Variants in CNST observed in about 807,000 individuals in gnomAD.
The protein encoded by CNST is consortin.
CNST carries 39 observed loss-of-function variants against 72.4 expected under a neutral mutation model. The ratio of observed to expected loss-of-function variants is 0.54; its 90% confidence interval spans 0.42 to 0.70. The LOEUF (loss-of-function observed/expected upper bound fraction) is 0.70, where lower values mean the gene tolerates loss of function less well. Among genes scored for constraint, CNST ranks in the 30% least tolerant of loss-of-function variants. CNST has a pLI of 0.00. For synonymous variants in CNST, 332 were observed against 320.1 expected (o/e 1.04, Z -0.40); for missense variants, 871 against 868.5 (o/e 1.00, Z -0.04).
intron 2 of CNST, among the ~76,000 whole-genome samples, chr1:246,619,516 T>A (rs1663915635): frequency 6.6e-6 from 1 of 152,320 alleles, no homozygotes; most frequent in South Asian, 2.1e-4. Context: ...AAATAGAAGA[T>A]GACATCTTAA....
At chr1:246,637,075 T>A (rs935695987) in intron 6 of CNST, among the ~76,000 whole-genome samples, 8 of 152,190 alleles carry the variant, frequency 5.3e-5, no homozygotes, top group African/African-American at 1.9e-4. Flanking sequence ...GTCTTCCTCG[T>A]GTTTTGGTTT....
intron 6 of CNST, among the ~76,000 whole-genome samples, chr1:246,640,135 C>T (rs1003291765): frequency 6.6e-6 from 1 of 152,178 alleles, no homozygotes; most frequent in Non-Finnish European, 1.5e-5. Context: ...TATTGAGTTT[C>T]TCACACTGAA....
At chr1:246,620,708 CGTGGTGCATACACACG>C (rs1664025495) in intron 2 of CNST, among the ~76,000 whole-genome samples, 2 of 128,738 alleles carry the variant, frequency 1.6e-5, no homozygotes, top group African/African-American at 6.0e-5. Context: ...CGGCTTCAGT[CGTGGTGCATACACACG>C]ATGGGCTCTG....
intron 1 of CNST, among the ~76,000 whole-genome samples, chr1:246,590,830 A>C (rs1455373835): frequency 6.6e-6 from 1 of 150,646 alleles, no homozygotes; most frequent in Non-Finnish European, 1.5e-5. Context: ...CCAATTCTAC[A>C]CTAAGAGTAG....
Position 246,621,452 on chromosome 1 carries a change from C to A in CNST, c.403C>A (p.Pro135Thr). The A allele has an allele frequency of 6.2e-7, 1 of 1,613,740 alleles. No individual in the cohort carries two copies. The highest frequency in any genetic ancestry group is 8.5e-7 in the Non-Finnish European group (1 of 1,179,840). ...PPGLFSGDIA[P>T]LMQEKVLSAV... ...AGGACTTTTTTCAGGAGATATTGCA[C>A]CTTTAATGCAAGAAAAAGTACTAAG... The change falls in exon 3 of 11, where the codon CCT becomes ACT. Residue 135 changes from proline (P) to threonine (T), a missense_variant. Transcript: ENST00000366513.
intron 3 of CNST, among the ~76,000 whole-genome samples, chr1:246,625,259 G>A (rs754482675): frequency 2.6e-5 from 4 of 152,068 alleles, no homozygotes; most frequent in Non-Finnish European, 5.9e-5. Context: ...TCAACTGTCA[G>A]TATTCTTTAG....
At chr1:246,634,955 G>GGGTGT (rs574656071) in intron 6 of CNST, among the ~76,000 whole-genome samples, 7 of 47,844 alleles carry the variant, frequency 1.5e-4, no homozygotes, top group South Asian at 8.3e-4. Context: ...CCTCGGTGGT[G>GGGTGT]CGTGTCTTCC....
At chr1:246,605,494 G>A (rs1212656555) in intron 2 of CNST, among the ~76,000 whole-genome samples, 1 of 152,200 alleles carries the variant, frequency 6.6e-6, no homozygotes, top group East Asian at 1.9e-4. Flanking sequence ...GTTTTAATGC[G>A]CGCCTGGGTG....
intron 9 of CNST, among the ~76,000 whole-genome samples, chr1:246,656,653 A>G (rs565095185): frequency 3.3e-5 from 5 of 152,226 alleles, no homozygotes; most frequent in Non-Finnish European, 5.9e-5. Context: ...TATTTTTAAG[A>G]ATAGTCTGGG....
At chr1:246,589,655 A>G (rs893208249) in intron 1 of CNST, among the ~76,000 whole-genome samples, 9 of 152,124 alleles carry the variant, frequency 5.9e-5, no homozygotes, top group East Asian at 1.9e-4. Context: ...GGGTCAAATG[A>G]TATTTCTAGT....
chr1:246,659,178 G>A (rs1291909363), intron 9 of CNST, among the ~76,000 whole-genome samples: 2 of 152,242 alleles, frequency 1.3e-5, no homozygotes, highest in Non-Finnish European at 2.9e-5. Context: ...CCCAGAAGCA[G>A]CTGTGCACAG....
At chr1:246,658,045 CA>C (rs751934685) in intron 9 of CNST, among the ~76,000 whole-genome samples, 10 of 152,182 alleles carry the variant, frequency 6.6e-5, no homozygotes, top group Middle Eastern at 3.4e-3. Flanking sequence ...AAGTGTATGA[CA>C]GTATTTTATG....
At chr1:246,630,075 C>T (rs913825830) in intron 3 of CNST, among the ~76,000 whole-genome samples, 3 of 152,202 alleles carry the variant, frequency 2.0e-5, no homozygotes, top group Admixed American at 1.3e-4. Context: ...GGTGTAACCC[C>T]CTCATATGCT....
chr1:246,653,277 A>G (rs1417166500), intron 9 of CNST, among the ~76,000 whole-genome samples: 1 of 152,216 alleles, frequency 6.6e-6, no homozygotes, highest in East Asian at 1.9e-4. Flanking sequence ...TCTTGACTAG[A>G]TAGATCACTG....
At chr1:246,664,444 T>TTTTA (rs1667280443) in intron 10 of CNST, among the ~76,000 whole-genome samples, 1 of 151,900 alleles carries the variant, frequency 6.6e-6, no homozygotes, top group Non-Finnish European at 1.5e-5. Flanking sequence ...TTTTTTTTTT[T>TTTTA]GAGAAGGAGT....
At position 246,589,402 on chromosome 1, in the gene CNST, A is replaced by G. The variant is rs569571381; in HGVS notation, c.-51-2110A>G. ...TCCTTGTGATAGTTTGCTGAGAATG[A>G]TGGTTTCCAGCTTCATCCATGTCCC... is the stretch of plus-strand genomic sequence containing the variant. On this transcript the variant is annotated intron_variant, in intron 1 of 10. Transcript: ENST00000366513. Among the ~76,000 whole-genome samples, 1,388 of 151,866 alleles carry G rather than the reference A, an allele frequency of 9.1e-3. 11 individuals carry two copies. The highest frequency in any genetic ancestry group is 0.027 in the Middle Eastern group (8 of 294).
intron 6 of CNST, among the ~76,000 whole-genome samples, chr1:246,638,800 G>T (rs994976980): frequency 6.6e-6 from 1 of 152,178 alleles, no homozygotes; most frequent in African/African-American, 2.4e-5. Context: ...GGTTTGAATG[G>T]TGTCCACACA....
intron 2 of CNST, among the ~76,000 whole-genome samples, chr1:246,608,859 A>G (rs1194588828): frequency 6.6e-6 from 1 of 152,236 alleles, no homozygotes; most frequent in African/African-American, 2.4e-5. Flanking sequence ...TCAACACTCA[A>G]GTGCAAGAAT....
At chr1:246,644,388 C>CAAA (rs58278885) in intron 8 of CNST, among the ~76,000 whole-genome samples, 62 of 102,090 alleles carry the variant, frequency 6.1e-4, no homozygotes, top group Non-Finnish European at 7.9e-4. Context: ...ACTCTGTCTC[C>CAAA]AAAAAAAAAA....
Sources: allele counts gnomAD v4.1 joint callset (sites outside exome capture counted in the v4.1 genomes callset), GRCh38; gene constraint gnomAD v4.1.1; transcripts MANE v1.5; gene names NCBI Gene and HGNC (gene_info 2026-07-23, HGNC 2026-07-21).